The following RALYL variants were observed in gnomAD, a reference collection of about 807,000 sequenced individuals.
RALYL encodes RNA-binding Raly-like protein.
A neutral mutation model predicts 35.1 loss-of-function variants in RALYL; 29 were observed. The observed-to-expected ratio is 0.83, with a 90% confidence interval of 0.61 to 1.13. The LOEUF is 1.13. RALYL is among the 50% of genes most tolerant of loss of function. The pLI is 0.00. For missense variants in RALYL, 359 were observed against 360.4 expected (o/e 1.00, Z 0.03); for synonymous variants, 120 against 127.6 (o/e 0.94, Z 0.40).
At chr8:84,368,984 G>A (rs1855128269) in intron 1 of RALYL, among the ~76,000 whole-genome samples, 1 of 152,176 alleles carries the variant, frequency 6.6e-6, no homozygotes, top group Non-Finnish European at 1.5e-5. Context: ...TCCATCGCAT[G>A]AATTAGGAAA....
At chr8:84,797,780 T>C (rs1822291486) in intron 3 of RALYL, among the ~76,000 whole-genome samples, 1 of 152,228 alleles carries the variant, frequency 6.6e-6, no homozygotes. Context: ...TTAACACTTC[T>C]CAATTCCTAC....
intron 1 of RALYL, among the ~76,000 whole-genome samples, chr8:84,300,323 GT>G (rs201781557): frequency 8.4e-4 from 126 of 150,096 alleles, no homozygotes; most frequent in Non-Finnish European, 1.6e-3. Flanking sequence ...GATTTCAGTT[GT>G]TTTTTTTTAA....
intron 2 of RALYL, among the ~76,000 whole-genome samples, chr8:84,540,541 A>G (rs1230293571): frequency 7.1e-6 from 1 of 141,078 alleles, no homozygotes; most frequent in African/African-American, 2.6e-5. Context: ...TACTTCTGGA[A>G]TCAACCCATC....
At chr8:84,284,829 TAA>T (rs1230364334) in intron 1 of RALYL, among the ~76,000 whole-genome samples, 1 of 152,218 alleles carries the variant, frequency 6.6e-6, no homozygotes, top group African/African-American at 2.4e-5. Flanking sequence ...TCCATTATCT[TAA>T]AATATGTACT....
At chr8:84,576,862 T>C (rs2135899099) in intron 2 of RALYL, among the ~76,000 whole-genome samples, 1 of 152,326 alleles carries the variant, frequency 6.6e-6, no homozygotes, top group African/African-American at 2.4e-5. Flanking sequence ...AATTTGTGAC[T>C]GCAACTCTAA....
chr8:84,235,745 ATTTCTT>A (rs1408699844), intron 1 of RALYL, among the ~76,000 whole-genome samples: 173 of 146,844 alleles, frequency 1.2e-3, no homozygotes, highest in African/African-American at 2.5e-3. Context: ...TATCCAATGC[ATTTCTT>A]TTTCTTTTTC....
At chr8:84,526,444 G>A (rs1445762112) in intron 1 of RALYL, among the ~76,000 whole-genome samples, 1 of 152,082 alleles carries the variant, frequency 6.6e-6, no homozygotes, top group Non-Finnish European at 1.5e-5. Context: ...TAATTCTCCA[G>A]GTAGTCAATT....
intron 2 of RALYL, among the ~76,000 whole-genome samples, chr8:84,609,059 A>G (rs905660562): frequency 9.9e-5 from 15 of 152,088 alleles, no homozygotes; most frequent in Non-Finnish European, 1.6e-4. Context: ...GTGTCCAGGG[A>G]CCTTTCCAGT....
chr8:84,506,911 A>G (rs535102171), intron 1 of RALYL, among the ~76,000 whole-genome samples: 73 of 152,196 alleles, frequency 4.8e-4, no homozygotes, highest in African/African-American at 1.7e-3. Context: ...AAGTTTTTAC[A>G]TCTGAAACCT....
chr8:84,717,657 A>G (rs1181432303), intron 2 of RALYL, among the ~76,000 whole-genome samples: 1 of 152,198 alleles, frequency 6.6e-6, no homozygotes, highest in African/African-American at 2.4e-5. Context: ...ATTCAGTGTA[A>G]TCACATCAGT....
chr8:84,294,975 G>T (rs865958272), intron 1 of RALYL, among the ~76,000 whole-genome samples: 10 of 152,032 alleles, frequency 6.6e-5, no homozygotes, highest in Admixed American at 3.3e-4. Context: ...TAATTCTCCT[G>T]CATTGATTGC....
intron 2 of RALYL, among the ~76,000 whole-genome samples, chr8:84,573,952 A>T (rs62528256): frequency 6.0e-5 from 9 of 150,556 alleles, no homozygotes; most frequent in Non-Finnish European, 7.4e-5. Flanking sequence ...CTGCTCTTTC[A>T]TTTCTTTCTA....
At chr8:84,432,375 G>T (rs1185285988) in intron 1 of RALYL, among the ~76,000 whole-genome samples, 1 of 152,102 alleles carries the variant, frequency 6.6e-6, no homozygotes, top group Non-Finnish European at 1.5e-5. Flanking sequence ...CAGGAGTTGA[G>T]GGGAGGGGAG....
At chr8:84,279,592 G>T (rs1262217871) in intron 1 of RALYL, among the ~76,000 whole-genome samples, 1 of 152,112 alleles carries the variant, frequency 6.6e-6, no homozygotes, top group Non-Finnish European at 1.5e-5. Context: ...CATTTCTGGA[G>T]TCCAGAAGTC....
intron 2 of RALYL, among the ~76,000 whole-genome samples, chr8:84,690,873 A>G (rs764643289): frequency 6.6e-6 from 1 of 152,074 alleles, no homozygotes. Context: ...GATATTGGTG[A>G]TATCATCCAT....
At chr8:84,291,574 T>G (rs1267196982) in intron 1 of RALYL, among the ~76,000 whole-genome samples, 1 of 152,150 alleles carries the variant, frequency 6.6e-6, no homozygotes, top group East Asian at 1.9e-4. Flanking sequence ...GCCAACATAT[T>G]AATGACTGGT....
chr8:84,920,895 T>G lies in RALYL; in HGVS notation c.860T>G (p.Phe287Cys), dbSNP rs965502531. The G allele has an allele frequency of 1.8e-5, 25 of 1,405,858 alleles. No homozygotes were observed. Among genetic ancestry groups the G allele is most frequent in the Non-Finnish European group, 2.4e-5 (25 of 1,054,606 alleles). 87.1% of individuals were successfully genotyped at this position (1,405,858 alleles called of 1,614,324 possible). A position where few individuals can be genotyped will look rare whatever the true frequency, so the allele number is the denominator to read the frequency against. ...TAAAATTTTTTTTTATTTTCTCAGTTTCTACAGATAAAGTGATCTGAAATA... is the reference window on the plus strand; with the variant it reads ...TAAAATTTTTTTTTATTTTCTCAGTGTCTACAGATAAAGTGATCTGAAATA... ...DFDEDGGHEL[F>C]LQIK The change falls in exon 9 of 9, where the codon TTT becomes TGT. Residue 287 changes from phenylalanine to cysteine, a missense_variant and splice_region_variant. Coordinates refer to ENST00000521268, the MANE Select transcript of RALYL (RefSeq NM_173848.7).
At chr8:84,335,709 C>CT (rs548185561) in intron 1 of RALYL, among the ~76,000 whole-genome samples, 65 of 85,222 alleles carry the variant, frequency 7.6e-4, no homozygotes, top group South Asian at 2.1e-3. Context: ...GTTTTCTTAC[C>CT]TTTTTTTTTT....
chr8:84,519,913 T>C (rs2058336152), intron 1 of RALYL, among the ~76,000 whole-genome samples: 1 of 152,224 alleles, frequency 6.6e-6, no homozygotes, highest in Admixed American at 6.5e-5. Context: ...CCCATGGTCC[T>C]CGGCCCTCTG....
Sources: gnomAD v4.1 joint callset for allele counts (sites outside exome capture counted in the v4.1 genomes callset) on GRCh38, gnomAD v4.1.1 for gene constraint, MANE v1.5 for transcripts, NCBI Gene and HGNC (gene_info 2026-07-23, HGNC 2026-07-21) for gene names.